The following JMJD1C variants were observed in gnomAD, a reference collection of about 807,000 sequenced individuals.
JMJD1C encodes jumonji domain containing 1C.
A neutral mutation model predicts 245.3 loss-of-function variants in JMJD1C; 31 were observed. That is an observed-to-expected ratio of 0.13 (90% CI 0.09 to 0.17). The LOEUF (loss-of-function observed/expected upper bound fraction) is 0.17, where lower values mean the gene tolerates loss of function less well. Among genes scored for constraint, JMJD1C ranks in the 10% least tolerant of loss-of-function variants. JMJD1C has a pLI of 1.00. For synonymous variants in JMJD1C, 1,057 were observed against 1,017.4 expected, an observed-to-expected ratio of 1.04 and a Z score of -0.74; for missense variants, 2,691 against 3,000.2, an observed-to-expected ratio of 0.90 and a Z score of 2.41.
upstream of JMJD1C, among the ~76,000 whole-genome samples, chr10:63,470,512 G>C (rs748998943): frequency 6.6e-6 from 1 of 152,150 alleles, no homozygotes; most frequent in Non-Finnish European, 1.5e-5. Context: ...CTAAAGAACA[G>C]ATACAGAAGG....
At chr10:63,470,195 A>T (rs1275153750), upstream of JMJD1C, among the ~76,000 whole-genome samples, 1 of 152,114 alleles carries the variant, frequency 6.6e-6, no homozygotes, top group Non-Finnish European at 1.5e-5. Context: ...TCCATAAGGC[A>T]TCTTTGTCTT....
chr10:63,323,038 T>C (rs1480744061), intron 2 of JMJD1C, among the ~76,000 whole-genome samples: 3 of 151,852 alleles, frequency 2.0e-5, no homozygotes, highest in Non-Finnish European at 2.9e-5. Context: ...AATTAGATAA[T>C]GTTGAACAAA....
In JMJD1C at chr10:63,520,943, T is replaced by G. The variant is rs559021744; in HGVS notation, n.113+795A>C. ...TTTGGTGCTGGGCCTCCGTAAACAC[T>G]GAGGATACCGGATGTGGCCAGGCAC... On this transcript the variant is annotated intron_variant and non_coding_transcript_variant, in intron 1 of 3. Transcript: ENST00000633035. Among the ~76,000 whole-genome samples the G allele has an allele frequency of 4.6e-5, 7 of 152,298 alleles. No individual in the cohort carries two copies. The South Asian group carries it at 1.5e-3, about 32-fold the overall frequency.
intron 2 of JMJD1C, among the ~76,000 whole-genome samples, chr10:63,345,497 A>C (rs1035018149): frequency 6.6e-6 from 1 of 151,692 alleles, no homozygotes; most frequent in African/African-American, 2.4e-5. Context: ...TCAAAAAAAA[A>C]AAAAAAAACA....
chr10:63,414,509 G>T (rs746103134), intron 1 of JMJD1C, among the ~76,000 whole-genome samples: 6 of 151,986 alleles, frequency 3.9e-5, no homozygotes, highest in Non-Finnish European at 7.4e-5. Flanking sequence ...TGAGCACCGT[G>T]CTCAAAAGGT....
intron 1 of JMJD1C, among the ~76,000 whole-genome samples, chr10:63,507,573 A>G (rs1954756843): frequency 7.5e-6 from 1 of 133,292 alleles, no homozygotes; most frequent in South Asian, 2.5e-4. Context: ...TGAACCCGGA[A>G]GGTGGAGGTT....
rs928608835 is a variant in JMJD1C, at chr10:63,252,520, C to T, written c.447+12131G>A. Among the ~76,000 whole-genome samples the T allele has an allele frequency of 2.0e-5, 3 of 152,204 alleles. No homozygotes were observed. The East Asian group carries it at 5.8e-4, about 29-fold the overall frequency. On this transcript the variant is annotated intron_variant, in intron 3 of 25. Transcript: ENST00000399262. Reference sequence around the variant, plus strand: ...AGCAAGTCTTGCCTGAACTACTAGCCTGCTGGTCTACCATGTGGAATTTGG... The same window carrying T: ...AGCAAGTCTTGCCTGAACTACTAGCTTGCTGGTCTACCATGTGGAATTTGG...
intron 1 of JMJD1C, among the ~76,000 whole-genome samples, chr10:63,521,188 A>C (rs1955212224): frequency 6.6e-6 from 1 of 152,056 alleles, no homozygotes; most frequent in African/African-American, 2.4e-5. Flanking sequence ...CGCGGCAGCG[A>C]GGCCGTCCAG....
intron 3 of JMJD1C, among the ~76,000 whole-genome samples, chr10:63,220,434 A>C (rs986201537): frequency 1.3e-5 from 2 of 152,224 alleles, no homozygotes; most frequent in Non-Finnish European, 2.9e-5. Flanking sequence ...AACTACTTTT[A>C]TTCTGTCCTG....
intron 2 of JMJD1C, among the ~76,000 whole-genome samples, chr10:63,371,065 A>G (rs1237730177): frequency 6.6e-6 from 1 of 151,730 alleles, no homozygotes; most frequent in Non-Finnish European, 1.5e-5. Context: ...ATAGCCTTGT[A>G]CTCCTGGAGT....
chr10:63,169,335 A>C (rs967336299), intron 24 of JMJD1C, among the ~76,000 whole-genome samples: 2 of 152,210 alleles, frequency 1.3e-5, no homozygotes, highest in African/African-American at 2.4e-5. Flanking sequence ...GTAAAACAAC[A>C]GAGGAAGGCC....
chr10:63,284,794 G>A (rs1857778803), intron 2 of JMJD1C, among the ~76,000 whole-genome samples: 1 of 151,290 alleles, frequency 6.6e-6, no homozygotes, highest in African/African-American at 2.4e-5. Context: ...GCTTATCCTA[G>A]AAGCTCACCA....
At chr10:63,198,830 A>G (rs1175019231) in intron 11 of JMJD1C, 103 bp from the exon 12 acceptor site, 3 of 596,542 alleles carry the variant, frequency 5.0e-6, no homozygotes, top group Non-Finnish European at 8.2e-6. Flanking sequence ...GCATTATAAA[A>G]TATGAATTAC....
At chr10:63,441,977 T>C (rs1951415806) in intron 1 of JMJD1C, among the ~76,000 whole-genome samples, 1 of 152,204 alleles carries the variant, frequency 6.6e-6, no homozygotes, top group Non-Finnish European at 1.5e-5. Flanking sequence ...AGAATATTTA[T>C]ATAGCACCTG....
At chr10:63,172,905 T>C (rs1842510954) in intron 24 of JMJD1C, among the ~76,000 whole-genome samples, 2 of 145,934 alleles carry the variant, frequency 1.4e-5, no homozygotes, top group South Asian at 2.3e-4. Flanking sequence ...CCATACGAGA[T>C]GAAGGCAGTG....
intron 2 of JMJD1C, among the ~76,000 whole-genome samples, chr10:63,289,544 A>T (rs542302924): frequency 6.6e-6 from 1 of 152,348 alleles, no homozygotes; most frequent in South Asian, 2.1e-4. Flanking sequence ...TAAAGTTTCA[A>T]GAGCAGTGAC....
chr10:63,345,986 GATTT>G (rs1943785705), intron 2 of JMJD1C, among the ~76,000 whole-genome samples: 1 of 152,138 alleles, frequency 6.6e-6, no homozygotes, highest in Non-Finnish European at 1.5e-5. Context: ...AATTAAAGAT[GATTT>G]ATTTTACTCC....
At chr10:63,199,748 T>C (rs900414272) in intron 11 of JMJD1C, among the ~76,000 whole-genome samples, 1 of 152,144 alleles carries the variant, frequency 6.6e-6, no homozygotes, top group Admixed American at 6.6e-5. Context: ...GAGAACCTGG[T>C]TCATTCTTAT....
At chr10:63,209,402 T>C (rs781623274) in intron 8 of JMJD1C, among the ~76,000 whole-genome samples, 167 bp from the exon 9 acceptor site, 2 of 152,210 alleles carry the variant, frequency 1.3e-5, no homozygotes, top group African/African-American at 2.4e-5. Context: ...TTATGAGAAA[T>C]ATTCAGACAA....
Sources: gnomAD v4.1 joint callset for allele counts (sites outside exome capture counted in the v4.1 genomes callset) on GRCh38, gnomAD v4.1.1 for gene constraint, MANE v1.5 for transcripts, NCBI Gene and HGNC (gene_info 2026-07-23, HGNC 2026-07-21) for gene names.